The following FANCD2 variants were observed in gnomAD, a reference collection of about 807,000 sequenced individuals.
FANCD2 encodes Fanconi anemia group D2 protein.
FANCD2 carries 131 observed loss-of-function variants against 192.3 expected under a neutral mutation model. That is an observed-to-expected ratio of 0.68 (90% CI 0.59 to 0.79). The LOEUF (loss-of-function observed/expected upper bound fraction) is 0.79. Among genes scored for constraint, FANCD2 ranks in the 30% least tolerant of loss-of-function variants. The pLI, the probability that FANCD2 is intolerant of heterozygous loss-of-function variation, is 0.00. For missense variants in FANCD2, 1,508 were observed against 1,701.6 expected, an observed-to-expected ratio of 0.89 and a Z score of 2.00; for synonymous variants, 524 against 612.5, an observed-to-expected ratio of 0.86 and a Z score of 2.13.
chr3:10,072,234 G>C lies in FANCD2; in HGVS notation c.2495-637G>C, dbSNP rs1693292254. ...TGTGATTATTATACATTGTGTACCT[G>C]TATCAAAATATCTCATGTGCGCCAT... is the stretch of plus-strand genomic sequence containing the variant. On this transcript the variant is annotated intron_variant, in intron 26 of 43. Coordinates refer to ENST00000675286, the MANE Select transcript of FANCD2 (RefSeq NM_001018115.3). Among the ~76,000 whole-genome samples, 2 of 151,184 alleles carry C rather than the reference G, an allele frequency of 1.3e-5. 1 individual carries two copies. Among genetic ancestry groups the C allele is most frequent in the South Asian group, 4.2e-4 (2 of 4,810 alleles).
At chr3:10,051,798 G>A (rs1468841691) in intron 17 of FANCD2, among the ~76,000 whole-genome samples, 1 of 152,156 alleles carries the variant, frequency 6.6e-6, no homozygotes, top group Non-Finnish European at 1.5e-5. Flanking sequence ...AACCATGAAA[G>A]GTAGTATAGC....
chr3:10,034,371 AAT>A, intron 3 of FANCD2, 96 bp from the exon 4 acceptor site: 1 of 792,144 alleles, frequency 1.3e-6, no homozygotes, highest in African/African-American at 1.8e-5. Context: ...TTAGGTTGAA[AAT>A]ATTTTTATTG....
At position 10,073,348 on chromosome 3, in the gene FANCD2, G is replaced by A. The variant is rs773562517; in HGVS notation, c.2701G>A (p.Gly901Ser). The A allele has an allele frequency of 1.2e-6, 2 of 1,612,156 alleles. No individual in the cohort carries two copies. Among genetic ancestry groups the A allele is most frequent in the Middle Eastern group, 1.7e-4 (1 of 6,058 alleles). ...SECDPTPSHRGQLNKEFTGKE... is the reference protein window; with the variant it reads ...SECDPTPSHRSQLNKEFTGKE... ...ATGTGACCCTACGCCATCTCATAGA[G>A]GCCAGCTAAACAAGGTATTGGAATG... Residue 901 changes from glycine (G) to serine (S), a missense_variant, in exon 28 of 44, where the codon GGC becomes AGC. Around this residue, in one of 5 missense-constraint regions of FANCD2, gnomAD observed 796 missense variants for 879.4 expected, o/e 0.91. Transcript: ENST00000675286.
At chr3:10,070,506 G>A (rs1190776775) in intron 26 of FANCD2, among the ~76,000 whole-genome samples, 1 of 112,574 alleles carries the variant, frequency 8.9e-6, no homozygotes. Context: ...AGGGAGGTGG[G>A]GGGGGTCAGC....
rs1489643456 is a variant in FANCD2 at position 10,043,350 on chromosome 3, C to T, written c.990-134C>T. ...GCCATTCAGATCAATCCCAGACAGA[C>T]GACAGTGCAAGTTTATTAGCCATCT... is the stretch of plus-strand genomic sequence containing the variant. On this transcript the variant is annotated intron_variant, in intron 12 of 43. Transcript: ENST00000675286. 15 of 835,032 alleles carry T rather than the reference C, an allele frequency of 1.8e-5. No homozygotes were observed. In the African/African-American group the frequency reaches 2.2e-4, roughly 12 times the overall value. 51.7% of individuals were successfully genotyped at this position (835,032 alleles called of 1,614,324 possible). A position where few individuals can be genotyped will look rare whatever the true frequency, so the allele number is the denominator to read the frequency against.
chr3:10,101,180 C>G lies in FANCD2; in HGVS notation c.4282-8C>G. 2 of 1,607,728 alleles carry G rather than the reference C, an allele frequency of 1.2e-6. No individual in the cohort carries two copies. Among genetic ancestry groups the G allele is most frequent in the Non-Finnish European group, 8.5e-7 (1 of 1,174,356 alleles). ...AAAATGCTTATTTATTTATTCTTTG[C>G]CCCTTAGGATGGTGAAGAAGACGAA... On this transcript the variant is annotated splice_polypyrimidine_tract_variant and splice_region_variant and intron_variant, in intron 43 of 43. Transcript: ENST00000675286.
intron 42 of FANCD2, among the ~76,000 whole-genome samples, chr3:10,096,687 A>G (rs1694985964): frequency 6.6e-6 from 1 of 152,196 alleles, no homozygotes; most frequent in African/African-American, 2.4e-5. Context: ...GCACCAAAAC[A>G]TGCCATTGAT....
At chr3:10,068,697 G>C (rs1429807414) in intron 26 of FANCD2, among the ~76,000 whole-genome samples, 1 of 150,424 alleles carries the variant, frequency 6.6e-6, no homozygotes, top group Non-Finnish European at 1.5e-5. Context: ...AAGCTGTCCT[G>C]AGTAAAATGA....
chr3:10,091,767 C>T (rs1694624041), intron 37 of FANCD2, among the ~76,000 whole-genome samples: 1 of 152,078 alleles, frequency 6.6e-6, no homozygotes, highest in Admixed American at 6.6e-5. Flanking sequence ...CAAAAAACAG[C>T]TTAGGAGAAA....
At chr3:10,036,082 A>ATTTTTTT (rs781686867) in intron 6 of FANCD2, among the ~76,000 whole-genome samples, 1 of 103,874 alleles carries the variant, frequency 9.6e-6, no homozygotes, top group Non-Finnish European at 2.0e-5. Flanking sequence ...AGAATTATAC[A>ATTTTTTT]TTTCTTTTTT....
At chr3:10,054,311 C>T (rs1456593483) in intron 18 of FANCD2, among the ~76,000 whole-genome samples, 1 of 145,936 alleles carries the variant, frequency 6.9e-6, no homozygotes, top group Non-Finnish European at 1.5e-5. Flanking sequence ...GTAATTCATA[C>T]TGGACTGTGA....
chr3:10,067,643 C>A (rs1455655837), intron 26 of FANCD2, among the ~76,000 whole-genome samples: 1 of 152,118 alleles, frequency 6.6e-6, no homozygotes, highest in Admixed American at 6.5e-5. Context: ...ACTAAACATA[C>A]AAAAATTAGC....
At chr3:10,058,703 A>G (rs2087482453) in intron 18 of FANCD2, among the ~76,000 whole-genome samples, 1 of 152,212 alleles carries the variant, frequency 6.6e-6, no homozygotes, top group Admixed American at 6.5e-5. Context: ...TCATTGGTCT[A>G]TACGTCTGTC....
At chr3:10,056,167 C>G (rs1329671880) in intron 18 of FANCD2, among the ~76,000 whole-genome samples, 2 of 152,254 alleles carry the variant, frequency 1.3e-5, no homozygotes, top group African/African-American at 2.4e-5. Flanking sequence ...GCGTGAGCCA[C>G]TGCGCCCGGC....
At chr3:10,068,665 C>T (rs1308460758) in intron 26 of FANCD2, among the ~76,000 whole-genome samples, 2 of 150,864 alleles carry the variant, frequency 1.3e-5, no homozygotes, top group Admixed American at 1.3e-4. Context: ...TATATAGAAC[C>T]ACCGAAGACC....
chr3:10,085,649 C>T (rs920377099), intron 32 of FANCD2, 163 bp from the exon 33 acceptor site: 2 of 625,836 alleles, frequency 3.2e-6, no homozygotes, highest in South Asian at 1.5e-5. Flanking sequence ...CTCAGCCTCC[C>T]GAAGTGCTGG....
At chr3:10,094,902 A>G (rs560851073) in intron 40 of FANCD2, 31 of 432,484 alleles carry the variant, frequency 7.2e-5, no homozygotes, top group South Asian at 6.9e-4. Context: ...TGAAAGAGAA[A>G]GGGAAGGTGG....
chr3:10,040,968 T>C, intron 9 of FANCD2: 1 of 165,518 alleles, frequency 6.0e-6, no homozygotes, highest in Non-Finnish European at 1.3e-5. Context: ...CTGAAGTGGG[T>C]GGGTCACTTG....
rs199789970 is a variant in FANCD2 at position 10,073,470 on chromosome 3, C to T, written c.2715+108C>T. 98 of 890,636 alleles carry T rather than the reference C, an allele frequency of 1.1e-4. No homozygotes were observed. Among genetic ancestry groups the T allele is most frequent in the African/African-American group, 1.1e-3 (66 of 60,082 alleles). The allele number at this position is 890,636 out of a possible 1,614,324, so 55.2% of individuals were successfully genotyped here. A position where few individuals can be genotyped will look rare whatever the true frequency, so the allele number is the denominator to read the frequency against. ...CAAAGAAAAAAAAATTAGGAAACAG[C>T]GAGCCAAAACTCTCTTAGGCGTTGG... On this transcript the variant is annotated intron_variant, in intron 28 of 43. Transcript: ENST00000675286.
Sources: gnomAD v4.1 joint callset for allele counts (sites outside exome capture counted in the v4.1 genomes callset) on GRCh38, gnomAD v4.1.1 for gene constraint, gnomAD v4.1.1 regional missense constraint, MANE v1.5 for transcripts, NCBI Gene and HGNC (gene_info 2026-07-23, HGNC 2026-07-21) for gene names.